Variants in ZNF561 observed in about 807,000 individuals in gnomAD.
ZNF561 encodes the protein zinc finger protein 561.
ZNF561 carries 16 observed loss-of-function variants against 16.7 expected under a neutral mutation model. The ratio of observed to expected loss-of-function variants is 0.96; its 90% CI spans 0.65 to 1.45. ZNF561 has a LOEUF of 1.45. Ranked by LOEUF, ZNF561 falls within the 40% of genes most tolerant of loss-of-function variation. The pLI is 0.00. For synonymous variants in ZNF561, 190 were observed against 192.1 expected (o/e 0.99, Z 0.09); for missense variants, 580 against 578.0 (o/e 1.00, Z -0.04).
intron 3 of ZNF561, chr19:9,617,477 T>A (rs2074576741): frequency 3.1e-6 from 1 of 317,978 alleles, no homozygotes. Context: ...AGAACAGTAC[T>A]TCCTAAAGAT....
At chr19:9,616,821 C>G (rs1241759814) in intron 4 of ZNF561, among the ~76,000 whole-genome samples, 1 of 151,714 alleles carries the variant, frequency 6.6e-6, no homozygotes, top group Non-Finnish European at 1.5e-5. Context: ...GTCTCCATCT[C>G]TGGACCTTGT....
chr19:9,620,900 G>T (rs1244800216), intron 1 of ZNF561: 1 of 152,356 alleles, frequency 6.6e-6, no homozygotes, highest in Non-Finnish European at 1.5e-5. Context: ...AAGTAGCCGG[G>T]CGTGGTGGCA....
Position 9,607,366 on chromosome 19 carries a change from G to T in ZNF561, c.*2834C>A, listed in dbSNP as rs1270730584. 6.6e-6 allele frequency: 1 copy of T among 152,128 alleles called. No homozygotes were observed. Among genetic ancestry groups the T allele is most frequent in the Admixed American group, 6.5e-5 (1 of 15,268 alleles). The allele number at this position is 152,128 out of a possible 1,614,324, so 9.4% of individuals were successfully genotyped here. A position where few individuals can be genotyped will look rare whatever the true frequency, so the allele number is the denominator to read the frequency against. On this transcript the variant is annotated 3_prime_UTR_variant, in exon 6 of 6. Coordinates refer to ENST00000302851, the MANE Select transcript of ZNF561 (RefSeq NM_152289.3). ...ATTTATTACATACCATCATTGGCCA[G>T]GAACAGTTCTAGGTACTTGAGTTCT...
intron 5 of ZNF561, 96 bp from the exon 6 acceptor site, chr19:9,611,432 T>C: frequency 1.5e-6 from 2 of 1,293,688 alleles, no homozygotes; most frequent in Non-Finnish European, 2.1e-6. Context: ...CAATTATGAT[T>C]TTACTTTTTA....
rs550757742 is a variant in ZNF561, at chr19:9,608,186, T to C, written c.*2014A>G. On this transcript the variant is annotated 3_prime_UTR_variant, in exon 6 of 6. Coordinates refer to ENST00000302851, the MANE Select transcript of ZNF561 (RefSeq NM_152289.3). ...GCGCCCGGCCTGAAAATAGGCTCTT[T>C]AGAAGTATCGTGAAATGATGTCAAG... 1.4e-5 allele frequency: 2 copies of C among 147,176 alleles called. No individual in the cohort carries two copies. Among genetic ancestry groups the C allele is most frequent in the South Asian group, 2.1e-4 (1 of 4,722 alleles). The allele number at this position is 147,176 out of a possible 1,614,324, so 9.1% of individuals were successfully genotyped here. A position where few individuals can be genotyped will look rare whatever the true frequency, so the allele number is the denominator to read the frequency against.
At chr19:9,611,450 A>G (rs1054399837) in intron 5 of ZNF561, 114 bp from the exon 6 acceptor site, 3 of 1,149,598 alleles carry the variant, frequency 2.6e-6, no homozygotes, top group Non-Finnish European at 3.5e-6. Context: ...TTAATATTTA[A>G]TTTTTTTTTC....
chr19:9,609,717 C>T lies in ZNF561; in HGVS notation c.*483G>A, dbSNP rs1437509152. 1 of 154,464 alleles carries T rather than the reference C, an allele frequency of 6.5e-6. No homozygotes were observed. The highest frequency in any genetic ancestry group is 2.4e-5 in the African/African-American group (1 of 41,452). 9.6% of individuals were successfully genotyped at this position (154,464 alleles called of 1,614,324 possible). On this transcript the variant is annotated 3_prime_UTR_variant, in exon 6 of 6. Transcript: ENST00000302851. ...TACAAGGGGACACAGAAATAATCAG[C>T]TGTGAAAGGGCACTGGCAGTTATGG...
rs1223221111 is a variant in ZNF561 at position 9,619,590 on chromosome 19, TATCAATCATCAAACAACAAGCATGAAAC to T, written c.-126-36_-126-9del. ...ACAGGGTTATTTGCGGTCCTGTTCA[TATCAATCATCAAACAACAAGCATGAAAC>T]ATCAGTCATCAAACATTATGCCTGA... On this transcript the variant is annotated splice_polypyrimidine_tract_variant and intron_variant, in intron 1 of 5. Transcript: ENST00000302851. 1 of 692,114 alleles carries T rather than the reference TATCAATCATCAAACAACAAGCATGAAAC, an allele frequency of 1.4e-6. No individual in the cohort carries two copies. The highest frequency in any genetic ancestry group is 3.2e-5 in the East Asian group (1 of 31,094). The allele number at this position is 692,114 out of a possible 1,614,324, so 42.9% of individuals were successfully genotyped here.
chr19:9,614,165 T>C, intron 4 of ZNF561, 62 bp from the exon 5 acceptor site: 4 of 1,572,856 alleles, frequency 2.5e-6, no homozygotes, highest in South Asian at 1.1e-5. Context: ...TTAAAATGAG[T>C]CATTTTTACT....
intron 2 of ZNF561, 33 bp from the exon 3 acceptor site, chr19:9,618,212 G>T: frequency 6.5e-7 from 1 of 1,530,494 alleles, no homozygotes; most frequent in South Asian, 1.2e-5. Flanking sequence ...TGAGAAGCCA[G>T]AGCTGCCCAT....
At chr19:9,616,685 G>A (rs776133140) in intron 4 of ZNF561, among the ~76,000 whole-genome samples, 12 of 150,806 alleles carry the variant, frequency 8.0e-5, no homozygotes, top group Non-Finnish European at 1.2e-4. Context: ...TCCGCCTCCC[G>A]GGTTCATGCA....
intron 3 of ZNF561, chr19:9,617,799 C>T (rs955618618): frequency 2.1e-6 from 1 of 485,580 alleles, no homozygotes; most frequent in South Asian, 1.5e-5. Context: ...TAAAAGGACA[C>T]TTTCATCTGC....
chr19:9,613,386 C>A (rs2074496374), intron 5 of ZNF561, among the ~76,000 whole-genome samples: 1 of 152,174 alleles, frequency 6.6e-6, no homozygotes, highest in Non-Finnish European at 1.5e-5. Context: ...AGGTGCCTGC[C>A]ACCACACCTG....
intron 2 of ZNF561, among the ~76,000 whole-genome samples, chr19:9,618,393 G>A (rs557615827): frequency 6.6e-6 from 1 of 152,084 alleles, no homozygotes; most frequent in Non-Finnish European, 1.5e-5. Flanking sequence ...TTGGGTAAAG[G>A]GTAATAGTTT....
rs760680254 is a variant in ZNF561, at chr19:9,611,298, C to G, written c.363G>C (p.Lys121Asn). 2 of 1,613,624 alleles carry G rather than the reference C, an allele frequency of 1.2e-6. No homozygotes were observed. The highest frequency in any genetic ancestry group is 1.7e-6 in the Non-Finnish European group (2 of 1,179,582). The change falls in exon 6 of 6, where the codon AAG becomes AAC. Residue 121 changes from lysine to asparagine, a missense_variant. By Grantham distance (94) the Lys-to-Asn change is moderately conservative (BLOSUM62 0). Transcript: ENST00000302851. ...GTTCCCTGAAGACCTCTCCACAATT[C>G]TTACAGTCACAGAGTTTCCATCCAC... ...GYSGWKLCDC[K>N]NCGEVFREQF...
At position 9,610,933 on chromosome 19, in the gene ZNF561, C is replaced by G; in HGVS notation, c.728G>C (p.Cys243Ser). 1 of 1,614,230 alleles carries G rather than the reference C, an allele frequency of 6.2e-7. No homozygotes were observed. Among genetic ancestry groups the G allele is most frequent in the Non-Finnish European group, 8.5e-7 (1 of 1,180,046 alleles). ...AVTASSHLKQ[C>S]VAVHTGKKSK... ...TTTCTTTCCTGTATGAACTGCTACA[C>G]ACTGCTTTAGGTGTGAAGAAGCTGT... The change falls in exon 6 of 6, where the codon TGT (cysteine) becomes TCT (serine). Residue 243 changes from cysteine (C) to serine (S), a missense_variant. Transcript: ENST00000302851.
chr19:9,611,117 G>A lies in ZNF561; in HGVS notation c.544C>T (p.Pro182Ser). 6.2e-7 allele frequency: 1 copy of A among 1,614,094 alleles called. No homozygotes were observed. Residue 182 changes from proline (P) to serine (S), a missense_variant, in exon 6 of 6, where the codon CCA becomes TCA. Pro to Ser is a moderately conservative substitution (Grantham distance 74, BLOSUM62 -1). Coordinates refer to ENST00000302851, the MANE Select transcript of ZNF561 (RefSeq NM_152289.3). Reference protein sequence around the residue: ...NPCGKVFTLTPGLAVHLEVLN... With the variant: ...NPCGKVFTLTSGLAVHLEVLN... The stretch of plus-strand genomic sequence containing the variant: ...ACTTCAAGATGTACAGCAAGACCTG[G>A]AGTTAGAGTAAAGACTTTTCCACAT...
chr19:9,614,034 C>G lies in ZNF561; in HGVS notation c.311G>C (p.Ser104Thr), dbSNP rs965239781. 2.5e-6 allele frequency: 4 copies of G among 1,613,648 alleles called. No individual in the cohort carries two copies. The highest frequency in any genetic ancestry group is 1.3e-5 in the African/African-American group (1 of 74,922). Reference sequence around the variant, plus strand: ...CATGAATCTTACCATTTGTATCCCACTGAATATTTGATTCTTCAAAAAACC... The same window carrying G: ...CATGAATCTTACCATTTGTATCCCAGTGAATATTTGATTCTTCAAAAAACC... Reference protein sequence around the residue: ...QQGFLKNQIFSGIQMTRGYSG... With the variant: ...QQGFLKNQIFTGIQMTRGYSG... Residue 104 changes from serine to threonine, a missense_variant, in exon 5 of 6, where the codon AGT (serine) becomes ACT (threonine). Transcript: ENST00000302851.
Position 9,610,913 on chromosome 19 carries a change from T to C in ZNF561, c.748A>G (p.Lys250Glu). 1 of 1,614,218 alleles carries C rather than the reference T, an allele frequency of 6.2e-7. No homozygotes were observed. Among genetic ancestry groups the C allele is most frequent in the Non-Finnish European group, 8.5e-7 (1 of 1,180,036 alleles). ...LKQCVAVHTGKKSKKTKKCGK... is the reference protein window; with the variant it reads ...LKQCVAVHTGEKSKKTKKCGK... ...CATTTCTTAGTCTTTTTGGATTTCT[T>C]TCCTGTATGAACTGCTACACACTGC... Residue 250 changes from lysine to glutamate, a missense_variant, in exon 6 of 6, where the codon AAG (lysine) becomes GAG (glutamate). By Grantham distance (56) the Lys-to-Glu change is moderately conservative. Coordinates refer to ENST00000302851, the MANE Select transcript of ZNF561 (RefSeq NM_152289.3).
Sources: allele counts gnomAD v4.1 joint callset (sites outside exome capture counted in the v4.1 genomes callset), GRCh38; gene constraint gnomAD v4.1.1; transcripts MANE v1.5; gene names NCBI Gene and HGNC (gene_info 2026-07-23, HGNC 2026-07-21).